Variants in MRC1 observed in about 807,000 individuals in gnomAD.
MRC1 encodes the protein macrophage mannose receptor 1.
MRC1 carries 62 observed loss-of-function variants against 102.9 expected under a neutral mutation model. That is an observed-to-expected ratio of 0.60 (90% CI 0.49 to 0.74). The LOEUF (loss-of-function observed/expected upper bound fraction) is 0.74, where lower values mean the gene tolerates loss of function less well. Among genes scored for constraint, MRC1 ranks in the 30% least tolerant of loss-of-function variants. MRC1 has a pLI of 0.00. For synonymous variants in MRC1, 457 were observed against 298.4 expected (o/e 1.53, Z -5.48); for missense variants, 1,237 against 862.8 (o/e 1.43, Z -5.43).
chr10:17,880,637 G>T lies in MRC1; in HGVS notation c.2832G>T (p.Gly944=). Residue 944 remains glycine (G), a synonymous_variant, in exon 20 of 30, where the codon GGG becomes GGT. Coordinates refer to ENST00000569591, the MANE Select transcript of MRC1 (RefSeq NM_002438.4). ...CTACCATGCCCTCGGTCCCATCAGG[G>T]TGCAAGGAAGGTTGGAATTTCTACA... ...VMPTMPSVPS[G]CKEGWNFYSN... The T allele has an allele frequency of 1.3e-6, 1 of 780,780 alleles. No individual in the cohort carries two copies. The highest frequency in any genetic ancestry group is 2.4e-6 in the Non-Finnish European group (1 of 417,950). 48.4% of individuals were successfully genotyped at this position (780,780 alleles called of 1,614,324 possible).
intron 29 of MRC1, 36 bp from the exon 30 acceptor site, chr10:17,910,179 C>T: frequency 1.3e-6 from 1 of 780,210 alleles, no homozygotes; most frequent in Admixed American, 1.7e-5. Flanking sequence ...CTCTGCCTCC[C>T]TCCACGTTTT....
At chr10:17,832,668 A>G (rs1344095654) in intron 3 of MRC1, among the ~76,000 whole-genome samples, 10 of 148,724 alleles carry the variant, frequency 6.7e-5, no homozygotes, top group East Asian at 4.1e-4. Context: ...GCTCACTGCA[A>G]GCTCCGCCTC....
chr10:17,859,475 G>A (rs895337103), intron 9 of MRC1, among the ~76,000 whole-genome samples: 28 of 151,982 alleles, frequency 1.8e-4, no homozygotes, highest in Non-Finnish European at 3.7e-4. Flanking sequence ...CTGCCGTCAC[G>A]CCCAGCTAAT....
intron 8 of MRC1, chr10:17,854,831 A>T (rs1460218220): frequency 6.1e-6 from 1 of 163,924 alleles, no homozygotes; most frequent in Admixed American, 6.4e-5. Flanking sequence ...TGAGATTACA[A>T]GCGTGCACCA....
intron 15 of MRC1, 148 bp from the exon 16 acceptor site, chr10:17,873,636 C>T (rs1275835769): frequency 2.1e-5 from 15 of 717,716 alleles, no homozygotes; most frequent in Middle Eastern, 5.7e-4. Context: ...CACAACATGA[C>T]GTGCAAATAG....
chr10:17,862,103 A>G (rs1446657837), intron 10 of MRC1, among the ~76,000 whole-genome samples: 1 of 152,228 alleles, frequency 6.6e-6, no homozygotes, highest in African/African-American at 2.4e-5. Context: ...CAAAAATGGA[A>G]AAGTATCTAT....
chr10:17,907,822 GAAA>G, intron 28 of MRC1, 124 bp downstream of exon 28: 1 of 718,120 alleles, frequency 1.4e-6, no homozygotes, highest in East Asian at 2.4e-5. Context: ...TTTCATCCGT[GAAA>G]AATCCATTCT....
At chr10:17,856,031 T>TTGG (rs1833085783) in intron 8 of MRC1, among the ~76,000 whole-genome samples, 1 of 151,738 alleles carries the variant, frequency 6.6e-6, no homozygotes, top group Admixed American at 6.6e-5. Context: ...TTAGCAGAGC[T>TTGG]TGGTGGTGGG....
Position 17,813,700 on chromosome 10 carries a change from A to ATATAT in MRC1, c.61+4175_61+4176insATATT, listed in dbSNP as rs1401200082. Among the ~76,000 whole-genome samples, 495 of 125,660 alleles carry ATATAT rather than the reference A, an allele frequency of 3.9e-3. 2 individuals are homozygous for ATATAT. Among genetic ancestry groups the ATATAT allele is most frequent in the African/African-American group, 0.015 (434 of 29,450 alleles). The allele number at this position is 125,660 out of a possible 152,430, so 82.4% of individuals were successfully genotyped here. On this transcript the variant is annotated intron_variant, in intron 1 of 29. Transcript: ENST00000569591. Reference sequence around the variant, plus strand: ...ACACACATTATATATATATATATATATTTTTTTTTTTTTTTGAGACAGGGT... The same window carrying ATATAT: ...ACACACATTATATATATATATATATATATATTTTTTTTTTTTTTTTGAGACAGGGT...
intron 1 of MRC1, among the ~76,000 whole-genome samples, chr10:17,814,934 G>A (rs1441548125): frequency 7.9e-5 from 12 of 151,830 alleles, no homozygotes; most frequent in Non-Finnish European, 1.5e-4. Flanking sequence ...CCAAAGTGCC[G>A]GGATTACAGG....
rs1833337084 is a variant in MRC1 at position 17,870,345 on chromosome 10, G to C, written c.2083G>C (p.Glu695Gln). ...GDLASINNKE[E>Q]QQTIWRLITA... ...CTTAGCTAGCATCAATAACAAAGAG[G>C]AACAGCAAACAATATGGCGATTAAT... Residue 695 changes from glutamate (E) to glutamine (Q), a missense_variant, in exon 13 of 30, where the codon GAA (glutamate) becomes CAA (glutamine). Glu to Gln is a conservative substitution (Grantham distance 29). Coordinates refer to ENST00000569591, the MANE Select transcript of MRC1 (RefSeq NM_002438.4). The C allele has an allele frequency of 7.7e-6, 6 of 780,226 alleles. No homozygotes were observed. Among genetic ancestry groups the C allele is most frequent in the African/African-American group, 1.7e-5 (1 of 59,082 alleles). 48.3% of individuals were successfully genotyped at this position (780,226 alleles called of 1,614,324 possible).
intron 22 of MRC1, 128 bp from the exon 23 acceptor site, chr10:17,894,082 C>T (rs1833718154): frequency 2.8e-6 from 2 of 717,854 alleles, no homozygotes; most frequent in Admixed American, 4.0e-5. Flanking sequence ...TTGAGCATAT[C>T]TTAAGTTAGG....
intron 1 of MRC1, among the ~76,000 whole-genome samples, chr10:17,816,083 T>G (rs904915314): frequency 2.6e-4 from 39 of 152,058 alleles, no homozygotes; most frequent in Non-Finnish European, 4.7e-4. Flanking sequence ...CTTGGCCTCC[T>G]GTTCAACATT....
In MRC1 at chr10:17,831,653, C is replaced by A. The variant is rs1589168201; in HGVS notation, c.638-2022C>A. Among the ~76,000 whole-genome samples the A allele has an allele frequency of 4.6e-5, 7 of 151,644 alleles. 2 individuals carry two copies. ...TTAGTAAATTGAGTATTTCTCAGAA[C>A]ATTTTCAGAGAAGTTATATAATACT... On this transcript the variant is annotated intron_variant, in intron 3 of 29. Coordinates refer to ENST00000569591, the MANE Select transcript of MRC1 (RefSeq NM_002438.4).
chr10:17,827,395 A>ATCCCTCTGTGGGTGC, intron 2 of MRC1, 147 bp from the exon 3 acceptor site: 1 of 426,968 alleles, frequency 2.3e-6, no homozygotes, highest in Non-Finnish European at 4.2e-6. Flanking sequence ...AAAAAAAAAA[A>ATCCCTCTGTGGGTGC]AAAAAAAAAA....
At chr10:17,833,594 C>T (rs1554839210) in intron 3 of MRC1, 81 bp from the exon 4 acceptor site, 2 of 776,622 alleles carry the variant, frequency 2.6e-6, no homozygotes, top group East Asian at 2.4e-5. Context: ...CAAAAATGCT[C>T]CTAGGTGGTT....
chr10:17,833,520 CAAA>C (rs34179956), intron 3 of MRC1, among the ~76,000 whole-genome samples, 152 bp from the exon 4 acceptor site: 2 of 106,528 alleles, frequency 1.9e-5, no homozygotes, highest in Non-Finnish European at 3.7e-5. Flanking sequence ...GACTCTGTCT[CAAA>C]AAAAAAAAAA....
chr10:17,880,293 A>G lies in MRC1; in HGVS notation c.2720-232A>G, dbSNP rs916247412. Among the ~76,000 whole-genome samples, 150 of 152,322 alleles carry G rather than the reference A, an allele frequency of 9.8e-4. 2 individuals carry two copies. Among genetic ancestry groups the G allele is most frequent in the Admixed American group, 7.9e-3 (121 of 15,302 alleles). On this transcript the variant is annotated intron_variant, in intron 19 of 29. Coordinates refer to ENST00000569591, the MANE Select transcript of MRC1 (RefSeq NM_002438.4). ...ACCATTTAGGTAATATATCTGCAAC[A>G]TCATGTACATGTTTGGTTCATAGGA...
chr10:17,833,618 T>C, intron 3 of MRC1, 57 bp from the exon 4 acceptor site: 2 of 780,752 alleles, frequency 2.6e-6, no homozygotes, highest in Admixed American at 1.7e-5. Flanking sequence ...ATAATACTAT[T>C]CACTGGAAGT....
Sources: gnomAD v4.1 joint callset for allele counts (sites outside exome capture counted in the v4.1 genomes callset) on GRCh38, gnomAD v4.1.1 for gene constraint, MANE v1.5 for transcripts, NCBI Gene and HGNC (gene_info 2026-07-23, HGNC 2026-07-21) for gene names.